RBFOX1: variants seen among roughly 807,000 people sequenced by gnomAD.
RBFOX1 encodes RNA binding fox-1 homolog 1.
RBFOX1 carries 8 observed loss-of-function variants against 57.7 expected under a neutral mutation model. The observed-to-expected ratio is 0.14, with a 90% confidence interval of 0.08 to 0.25. RBFOX1 has a LOEUF of 0.25. Among genes scored for constraint, RBFOX1 ranks in the 10% least tolerant of loss-of-function variants. The pLI is 1.00. For missense variants in RBFOX1, 611 were observed against 548.5 expected (o/e 1.11, Z -1.14); for synonymous variants, 326 against 222.4 (o/e 1.47, Z -4.15).
At chr16:7,352,692 A>G (rs2097149817) in intron 4 of RBFOX1, among the ~76,000 whole-genome samples, 1 of 151,998 alleles carries the variant, frequency 6.6e-6, no homozygotes, top group Admixed American at 6.6e-5. Flanking sequence ...CTGCCCCTCA[A>G]TGTCTGTGTA....
chr16:6,747,475 T>G (rs993951537), intron 3 of RBFOX1, among the ~76,000 whole-genome samples: 1 of 146,576 alleles, frequency 6.8e-6, no homozygotes, highest in African/African-American at 2.6e-5. Flanking sequence ...TGTCTGTCTG[T>G]TTATCTATCT....
intron 2 of RBFOX1, among the ~76,000 whole-genome samples, chr16:6,367,381 C>G (rs1396362905): frequency 1.3e-5 from 2 of 152,162 alleles, no homozygotes; most frequent in African/African-American, 4.8e-5. Context: ...GGTGATTCCC[C>G]TGCCTCAGCC....
intron 12 of RBFOX1, among the ~76,000 whole-genome samples, chr16:7,662,381 A>G (rs2067986230): frequency 1.3e-5 from 2 of 152,206 alleles, no homozygotes; most frequent in African/African-American, 4.8e-5. Flanking sequence ...TAGCCAAATC[A>G]GAGACAAACC....
intron 3 of RBFOX1, among the ~76,000 whole-genome samples, chr16:6,849,401 G>A (rs935413122): frequency 2.0e-5 from 3 of 152,162 alleles, no homozygotes; most frequent in African/African-American, 7.2e-5. Flanking sequence ...GGGTGTGGTG[G>A]CTCACACCTG....
At chr16:7,340,043 C>T (rs749543148) in intron 4 of RBFOX1, among the ~76,000 whole-genome samples, 1 of 152,186 alleles carries the variant, frequency 6.6e-6, no homozygotes, top group African/African-American at 2.4e-5. Flanking sequence ...ATTGCAGTCT[C>T]ATTGGTAGAT....
intron 2 of RBFOX1, among the ~76,000 whole-genome samples, chr16:6,319,376 A>G: frequency 6.6e-6 from 1 of 152,190 alleles, no homozygotes; most frequent in Non-Finnish European, 1.5e-5. Context: ...ATAGTATATT[A>G]CCCCTCATGA....
At chr16:6,222,524 A>G (rs1419176302) in intron 1 of RBFOX1, among the ~76,000 whole-genome samples, 1 of 151,900 alleles carries the variant, frequency 6.6e-6, no homozygotes, top group Non-Finnish European at 1.5e-5. Flanking sequence ...CAGCTCTGAC[A>G]TAGCAACCAT....
chr16:5,317,082 C>G (rs1261629607), intron 1 of RBFOX1, among the ~76,000 whole-genome samples: 1 of 152,150 alleles, frequency 6.6e-6, no homozygotes, highest in African/African-American at 2.4e-5. Context: ...GGCCTTTGGA[C>G]TTGGACTGAG....
chr16:6,308,179 A>G (rs994343254), intron 1 of RBFOX1, among the ~76,000 whole-genome samples: 1 of 152,130 alleles, frequency 6.6e-6, no homozygotes, highest in South Asian at 2.1e-4. Context: ...ACTTTTATAA[A>G]TTATAATAAT....
At chr16:5,400,630 C>T (rs948514473) in intron 1 of RBFOX1, among the ~76,000 whole-genome samples, 12 of 151,858 alleles carry the variant, frequency 7.9e-5, no homozygotes, top group African/African-American at 2.9e-4. Flanking sequence ...ATGCCTGGGC[C>T]ATAGTTTAAT....
chr16:6,110,970 T>G (rs1203223567), intron 1 of RBFOX1, among the ~76,000 whole-genome samples: 1 of 152,118 alleles, frequency 6.6e-6, no homozygotes, highest in African/African-American at 2.4e-5. Flanking sequence ...AAAACAGTAT[T>G]TCAAGGAAGT....
chr16:5,539,350 T>G (rs572980856), intron 2 of RBFOX1, among the ~76,000 whole-genome samples: 41 of 151,904 alleles, frequency 2.7e-4, no homozygotes, highest in African/African-American at 9.7e-4. Context: ...CCCAGCACTT[T>G]GGGAGGCTGA....
rs115689314 is a variant in RBFOX1 at position 5,889,535 on chromosome 16, G to A, written c.351+22200G>A. Among the ~76,000 whole-genome samples, 658 of 152,298 alleles carry A rather than the reference G, an allele frequency of 4.3e-3. 4 individuals are homozygous for A. The highest frequency in any genetic ancestry group is 0.015 in the African/African-American group (637 of 41,560). ...AGTGCTGCAATGAACATACATGTGT[G>A]TGTACCTTTATAATAGAATGATTGA... is the stretch of plus-strand genomic sequence containing the variant. On this transcript the variant is annotated intron_variant, in intron 4 of 19. Transcript: ENST00000641259.
chr16:6,334,569 A>G (rs1034635287), intron 2 of RBFOX1, among the ~76,000 whole-genome samples: 3 of 152,062 alleles, frequency 2.0e-5, no homozygotes, highest in African/African-American at 7.2e-5. Context: ...GAGAAATAAG[A>G]TTCAATATCC....
At chr16:5,778,680 C>T (rs560425468) in intron 3 of RBFOX1, among the ~76,000 whole-genome samples, 2 of 152,204 alleles carry the variant, frequency 1.3e-5, no homozygotes, top group South Asian at 2.1e-4. Context: ...TGTGCGTGGC[C>T]ATCTCATACT....
In RBFOX1 at chr16:6,530,816, C is replaced by A. The variant is rs950864482; in HGVS notation, c.-63-123787C>A. 2.6e-5 allele frequency among the ~76,000 whole-genome samples: 4 copies of A among 151,968 alleles called. No homozygotes were observed. In the East Asian group the frequency reaches 5.8e-4, roughly 22 times the overall value. The stretch of plus-strand genomic sequence containing the variant: ...TAAAACAGCACGGGAAACACCTGCC[C>A]CCATGATTCAATTACCTTCCACCGG... On this transcript the variant is annotated intron_variant, in intron 2 of 15. Coordinates refer to ENST00000550418, the MANE Select transcript of RBFOX1 (RefSeq NM_018723.4).
chr16:5,332,634 ATATT>A (rs61698669), intron 1 of RBFOX1, among the ~76,000 whole-genome samples: 9,074 of 151,234 alleles, frequency 0.06, 471 homozygotes, highest in East Asian at 0.14. Flanking sequence ...TACATATCGT[ATATT>A]TATATTTTTA....
At chr16:6,186,752 G>A (rs1036925467) in intron 1 of RBFOX1, among the ~76,000 whole-genome samples, 3 of 152,212 alleles carry the variant, frequency 2.0e-5, no homozygotes, top group African/African-American at 7.2e-5. Context: ...GAGGGGAGCA[G>A]TGAACATGGC....
At position 6,060,236 on chromosome 16, in the gene RBFOX1, G is replaced by C. The variant is rs1204099501; in HGVS notation, c.-127+40244G>C. The stretch of plus-strand genomic sequence containing the variant: ...TTGTTGCTACAACGTACTGAGTTTT[G>C]GCTCTCAAATTCTCCTCTTCTTAGC... On this transcript the variant is annotated intron_variant, in intron 1 of 15. Transcript: ENST00000550418. Among the ~76,000 whole-genome samples, 4 of 144,440 alleles carry C rather than the reference G, an allele frequency of 2.8e-5. No homozygotes were observed. The Admixed American group carries it at 2.9e-4, about 10-fold the overall frequency. The allele number at this position is 144,440 out of a possible 152,430, so 94.8% of individuals were successfully genotyped here.
Sources: allele counts gnomAD v4.1 joint callset (sites outside exome capture counted in the v4.1 genomes callset), GRCh38; gene constraint gnomAD v4.1.1; transcripts MANE v1.5; gene names NCBI Gene and HGNC (gene_info 2026-07-23, HGNC 2026-07-21).